The following MYO1D variants were observed in gnomAD, a reference collection of about 807,000 sequenced individuals.
The protein encoded by MYO1D is myosin ID, also known as unconventional myosin-Id.
MYO1D carries 83 observed loss-of-function variants against 122.0 expected under a neutral mutation model. The ratio of observed to expected loss-of-function variants is 0.68; its 90% CI spans 0.57 to 0.82. MYO1D has a LOEUF of 0.82. MYO1D is among the 40% of genes least tolerant of loss of function. The probability of loss-of-function intolerance (pLI) is 0.00; values close to 1 mark genes in which losing one functional copy is unlikely to be tolerated. For synonymous variants in MYO1D, 464 were observed against 446.9 expected, an observed-to-expected ratio of 1.04 and a Z score of -0.48; for missense variants, 1,157 against 1,269.5, an observed-to-expected ratio of 0.91 and a Z score of 1.35.
At chr17:32,579,913 C>T (rs547404217) in intron 21 of MYO1D, among the ~76,000 whole-genome samples, 40 of 152,228 alleles carry the variant, frequency 2.6e-4, no homozygotes, top group African/African-American at 8.7e-4. Context: ...GGGTTATTCC[C>T]GGTTTTTGGC....
At chr17:32,759,911 G>A (rs2089982317) in intron 10 of MYO1D, 2 of 521,476 alleles carry the variant, frequency 3.8e-6, no homozygotes, top group Non-Finnish European at 6.7e-6. Flanking sequence ...AGTAGAAGAG[G>A]AGAAAAAGGA....
chr17:32,857,132 T>C (rs1354016450), intron 1 of MYO1D, among the ~76,000 whole-genome samples: 2 of 152,156 alleles, frequency 1.3e-5, no homozygotes, highest in Non-Finnish European at 1.5e-5. Flanking sequence ...TCTTGTAGGG[T>C]TGAATAGATT....
At chr17:32,586,449 T>A (rs1301541644) in intron 21 of MYO1D, among the ~76,000 whole-genome samples, 2 of 152,168 alleles carry the variant, frequency 1.3e-5, no homozygotes, top group Non-Finnish European at 2.9e-5. Flanking sequence ...TATATAGTTG[T>A]GTGGTTTCTT....
chr17:32,568,928 T>C (rs2087198359), intron 21 of MYO1D, among the ~76,000 whole-genome samples: 1 of 152,208 alleles, frequency 6.6e-6, no homozygotes. Flanking sequence ...TTTGTTTTTA[T>C]GTGTATTGCC....
chr17:32,641,756 C>A (rs927410343), intron 19 of MYO1D, among the ~76,000 whole-genome samples: 1 of 152,192 alleles, frequency 6.6e-6, no homozygotes, highest in Non-Finnish European at 1.5e-5. Context: ...CTGTTCATAT[C>A]TTTCTCCCAC....
chr17:32,559,550 A>G (rs115729097), intron 21 of MYO1D, among the ~76,000 whole-genome samples: 2,927 of 152,282 alleles, frequency 0.019, 108 homozygotes, highest in African/African-American at 0.067. Context: ...TCTGTTTTGT[A>G]TACTCACTTT....
chr17:32,750,347 C>CCTGTAA (rs2089885763), intron 11 of MYO1D, among the ~76,000 whole-genome samples: 1 of 152,186 alleles, frequency 6.6e-6, no homozygotes, highest in African/African-American at 2.4e-5. Flanking sequence ...GGCGTGGTGG[C>CCTGTAA]TCACGTCTGT....
chr17:32,596,917 C>T (rs994890139), intron 21 of MYO1D, among the ~76,000 whole-genome samples: 4 of 152,202 alleles, frequency 2.6e-5, no homozygotes, highest in Admixed American at 6.5e-5. Context: ...GTAGCTGCTG[C>T]TGAGAATGAA....
intron 21 of MYO1D, chr17:32,602,626 C>T (rs563209010): frequency 2.3e-4 from 35 of 152,338 alleles, no homozygotes; most frequent in African/African-American, 7.9e-4. Flanking sequence ...AGGCTGGGCA[C>T]TGTTCCCTCT....
intron 19 of MYO1D, among the ~76,000 whole-genome samples, chr17:32,652,870 G>A (rs554378406): frequency 1.3e-5 from 2 of 152,242 alleles, no homozygotes; most frequent in African/African-American, 4.8e-5. Flanking sequence ...GGCTGGGCGC[G>A]GTGGCTCACG....
At position 32,677,632 on chromosome 17, in the gene MYO1D, CAT is replaced by C. The variant is rs1489789152; in HGVS notation, c.2122-18296_2122-18295del. Among the ~76,000 whole-genome samples, 15 of 142,966 alleles carry C rather than the reference CAT, an allele frequency of 1.0e-4. No individual in the cohort carries two copies. The East Asian group carries it at 2.7e-3, about 26-fold the overall frequency. 93.8% of individuals were successfully genotyped at this position (142,966 alleles called of 152,430 possible). On this transcript the variant is annotated intron_variant, in intron 16 of 21. Coordinates refer to ENST00000318217, the MANE Select transcript of MYO1D (RefSeq NM_015194.3). ...ATATATATATATATATGCACACAGA[CAT>C]ATAAATACATTACTTGATTGCAAAA...
intron 21 of MYO1D, among the ~76,000 whole-genome samples, chr17:32,508,738 A>G (rs915903567): frequency 6.6e-6 from 1 of 152,230 alleles, no homozygotes; most frequent in Non-Finnish European, 1.5e-5. Flanking sequence ...AAAGAGCCTA[A>G]GGACCTGCCT....
intron 1 of MYO1D, among the ~76,000 whole-genome samples, chr17:32,787,081 T>A (rs867875373): frequency 6.6e-6 from 1 of 151,876 alleles, no homozygotes; most frequent in South Asian, 2.1e-4. Context: ...AGAAATTGTG[T>A]TTAAAATCAT....
At chr17:32,757,467 T>C (rs1415763094) in intron 10 of MYO1D, among the ~76,000 whole-genome samples, 1 of 152,120 alleles carries the variant, frequency 6.6e-6, no homozygotes. Flanking sequence ...TGGCACAAAA[T>C]CTCAGTAGTA....
Position 32,807,478 on chromosome 17 carries a change from T to G in MYO1D, c.96-26694A>C, listed in dbSNP as rs372991893. Among the ~76,000 whole-genome samples the G allele has an allele frequency of 1.4e-4, 21 of 152,330 alleles. No individual in the cohort carries two copies. In the East Asian group the frequency reaches 4.0e-3, roughly 29 times the overall value. ...TATCATATAATCTGATCTACATGTT[T>G]TTCTCAATTAGGATGTCTTAAATAC... On this transcript the variant is annotated intron_variant, in intron 1 of 21. Transcript: ENST00000318217.
chr17:32,783,568 C>A (rs569038753), intron 1 of MYO1D, among the ~76,000 whole-genome samples: 1 of 152,192 alleles, frequency 6.6e-6, no homozygotes, highest in South Asian at 2.1e-4. Context: ...AAGATAGTGG[C>A]AAATATTAAC....
chr17:32,530,908 G>C (rs1254663122), intron 21 of MYO1D, among the ~76,000 whole-genome samples: 2 of 151,612 alleles, frequency 1.3e-5, no homozygotes, highest in South Asian at 2.1e-4. Context: ...ACTCCCTTTG[G>C]AGAACTGATC....
chr17:32,805,242 T>G (rs760567387), intron 1 of MYO1D, among the ~76,000 whole-genome samples: 5 of 152,206 alleles, frequency 3.3e-5, no homozygotes, highest in Non-Finnish European at 5.9e-5. Context: ...CTGTGAGCAA[T>G]ACATTTCTGT....
chr17:32,570,339 C>T (rs1170633741), intron 21 of MYO1D, among the ~76,000 whole-genome samples: 1 of 152,070 alleles, frequency 6.6e-6, no homozygotes, highest in Non-Finnish European at 1.5e-5. Flanking sequence ...AACCCTCATG[C>T]ATGGTAAGCC....
Sources: allele counts gnomAD v4.1 joint callset (sites outside exome capture counted in the v4.1 genomes callset), GRCh38; gene constraint gnomAD v4.1.1; transcripts MANE v1.5; gene names NCBI Gene and HGNC (gene_info 2026-07-23, HGNC 2026-07-21).